The following NFATC3 variants were observed in gnomAD, a reference collection of about 807,000 sequenced individuals.
NFATC3 encodes nuclear factor of activated T cells 3.
In NFATC3, 46 loss-of-function variants were observed where a neutral mutation model predicts 98.6. The observed-to-expected ratio is 0.47, with a 90% confidence interval of 0.37 to 0.60. The LOEUF (loss-of-function observed/expected upper bound fraction) is 0.60. Ranked by LOEUF, NFATC3 falls within the 20% of genes least tolerant of loss-of-function variation. NFATC3 has a pLI of 0.00. For missense variants in NFATC3, 1,256 were observed against 1,295.5 expected (o/e 0.97, Z 0.47); for synonymous variants, 512 against 472.2 (o/e 1.08, Z -1.09).
chr16:68,215,127 A>T (rs750520410), intron 9 of NFATC3, among the ~76,000 whole-genome samples: 11 of 152,194 alleles, frequency 7.2e-5, no homozygotes, highest in Non-Finnish European at 1.6e-4. Context: ...TTTTAAAATG[A>T]ATCTGGATTT....
chr16:68,212,876 A>G (rs1338715589), intron 9 of NFATC3, among the ~76,000 whole-genome samples: 3 of 128,494 alleles, frequency 2.3e-5, no homozygotes, highest in South Asian at 2.4e-4. Flanking sequence ...TGCAAGCTCT[A>G]CCTCCCAGGT....
chr16:68,113,145 A>C (rs2036072649), intron 1 of NFATC3, among the ~76,000 whole-genome samples: 1 of 152,112 alleles, frequency 6.6e-6, no homozygotes, highest in Non-Finnish European at 1.5e-5. Flanking sequence ...GAAGTGTTGC[A>C]ATCATTTAGA....
At chr16:68,207,061 A>G (rs532510386) in intron 9 of NFATC3, among the ~76,000 whole-genome samples, 203 of 151,928 alleles carry the variant, frequency 1.3e-3, no homozygotes, top group Non-Finnish European at 2.1e-3. Flanking sequence ...CTGTAATCCC[A>G]GCACCTGGGA....
intron 9 of NFATC3, among the ~76,000 whole-genome samples, chr16:68,208,611 T>C (rs1859719915): frequency 6.6e-6 from 1 of 152,014 alleles, no homozygotes; most frequent in Non-Finnish European, 1.5e-5. Context: ...ATGCCTGTAA[T>C]CCCAGCTATT....
At position 68,174,466 on chromosome 16, in the gene NFATC3, T is replaced by A. The variant is rs201703239; in HGVS notation, c.1867T>A (p.Ser623Thr). 1 of 1,604,378 alleles carries A rather than the reference T, an allele frequency of 6.2e-7. No homozygotes were observed. The highest frequency in any genetic ancestry group is 8.5e-7 in the Non-Finnish European group (1 of 1,175,496). The change falls in exon 6 of 10, where the codon TCT becomes ACT. Residue 623 changes from serine (S) to threonine (T), a missense_variant. By Grantham distance (58) the Ser-to-Thr change is moderately conservative. Around this residue, in one of 3 missense-constraint regions of NFATC3, gnomAD observed 636 missense variants for 617.3 expected, o/e 1.03. Transcript: ENST00000346183. ...AGGTCATGAAATGGTTGTGACTGGA[T>A]CTAATTTTCTTCCAGAATCCAAAAT... Reference protein sequence around the residue: ...NGGHEMVVTGSNFLPESKIIF... With the variant: ...NGGHEMVVTGTNFLPESKIIF...
rs535756391 is a variant in NFATC3 at position 68,092,706 on chromosome 16, CAT to C, written c.103+6924_103+6925del. ...AGGGATTCTAGACCAGTCTGGATAACATAAGGATACCCTGTTTCTTAAAAACA... is the reference window on the plus strand; with the variant it reads ...AGGGATTCTAGACCAGTCTGGATAACAAGGATACCCTGTTTCTTAAAAACA... On this transcript the variant is annotated intron_variant, in intron 1 of 9. Transcript: ENST00000346183. Among the ~76,000 whole-genome samples the C allele has an allele frequency of 3.6e-3, 548 of 152,242 alleles. 2 individuals are homozygous for C. The highest frequency in any genetic ancestry group is 0.012 in the African/African-American group (503 of 41,534).
chr16:68,209,931 C>T lies in NFATC3; in HGVS notation c.3107-16419C>T, dbSNP rs919733476. On this transcript the variant is annotated intron_variant, in intron 9 of 9. Transcript: ENST00000346183. ...CTGTAGTCCTAGCACTTTGGGAGGC[C>T]GAGGTGGGCAGATTGCTCGAGCCCA... Among the ~76,000 whole-genome samples, 4 of 151,946 alleles carry T rather than the reference C, an allele frequency of 2.6e-5. No individual in the cohort carries two copies. The East Asian group carries it at 5.8e-4, about 22-fold the overall frequency.
In NFATC3 at chr16:68,122,665, C is replaced by T. The variant is rs537630716; in HGVS notation, c.782C>T (p.Ser261Leu). 4.3e-6 allele frequency: 7 copies of T among 1,614,160 alleles called. No homozygotes were observed. In the Admixed American group the frequency reaches 6.7e-5, roughly 15 times the overall value. ...AATTGGCTGAGCCCCAGGCCAGCCT[C>T]AGGACCCTCATCAAGGCCCACATCC... ...DENWLSPRPASGPSSRPTSPC... is the reference protein window; with the variant it reads ...DENWLSPRPALGPSSRPTSPC... Residue 261 changes from serine (S) to leucine (L), a missense_variant, in exon 2 of 10, where the codon TCA (serine) becomes TTA (leucine). By Grantham distance (145) the Ser-to-Leu change is moderately radical. Around this residue, in one of 3 missense-constraint regions of NFATC3, gnomAD observed 464 missense variants for 465.7 expected, o/e 1.00. Coordinates refer to ENST00000346183, the MANE Select transcript of NFATC3 (RefSeq NM_173165.3).
At chr16:68,099,422 G>A (rs1374900180) in intron 1 of NFATC3, among the ~76,000 whole-genome samples, 2 of 151,178 alleles carry the variant, frequency 1.3e-5, no homozygotes, top group Non-Finnish European at 1.5e-5. Context: ...GCGACAGAGC[G>A]AGACCCCACC....
chr16:68,118,080 C>G (rs1393863429), intron 1 of NFATC3, among the ~76,000 whole-genome samples: 1 of 152,134 alleles, frequency 6.6e-6, no homozygotes, highest in African/African-American at 2.4e-5. Flanking sequence ...TTAAAGAAAC[C>G]AAGGCGTTAT....
In NFATC3 at chr16:68,085,770, G is replaced by A. The variant is rs977104054; in HGVS notation, c.89G>A (p.Gly30Asp). 2.0e-5 allele frequency: 30 copies of A among 1,495,480 alleles called. No homozygotes were observed. The Admixed American group carries it at 6.5e-4, about 32-fold the overall frequency. 92.6% of individuals were successfully genotyped at this position (1,495,480 alleles called of 1,614,324 possible). A position where few individuals can be genotyped will look rare whatever the true frequency, so the allele number is the denominator to read the frequency against. The change falls in exon 1 of 10, where the codon GGC becomes GAC. Residue 30 changes from glycine (G) to aspartate (D), a missense_variant. Coordinates refer to ENST00000346183, the MANE Select transcript of NFATC3 (RefSeq NM_173165.3). ...EDGAPAPPPP[G>D]SRPADLEPDD... Reference sequence around the variant, plus strand: ...GGGGCGCCGGCGCCGCCGCCCCCGGGCTCGCGGCCTGCAGGTGGGTGCCGG... The same window carrying A: ...GGGGCGCCGGCGCCGCCGCCCCCGGACTCGCGGCCTGCAGGTGGGTGCCGG...
intron 9 of NFATC3, among the ~76,000 whole-genome samples, chr16:68,224,519 C>T (rs527548581): frequency 1.3e-5 from 2 of 151,928 alleles, no homozygotes; most frequent in East Asian, 1.9e-4. Flanking sequence ...TTGTGATCCA[C>T]CCGCCTTGGC....
At chr16:68,195,567 G>A (rs994363374) in intron 9 of NFATC3, among the ~76,000 whole-genome samples, 1 of 152,114 alleles carries the variant, frequency 6.6e-6, no homozygotes, top group Admixed American at 6.6e-5. Flanking sequence ...CCAGCACTTT[G>A]GGAGGCTGAG....
chr16:68,111,031 C>T (rs1053907895), intron 1 of NFATC3, among the ~76,000 whole-genome samples: 1 of 152,172 alleles, frequency 6.6e-6, no homozygotes, highest in African/African-American at 2.4e-5. Flanking sequence ...GTTATGATTT[C>T]ATTTCTTTTG....
At chr16:68,216,902 G>A (rs903490448) in intron 9 of NFATC3, among the ~76,000 whole-genome samples, 2 of 151,760 alleles carry the variant, frequency 1.3e-5, no homozygotes, top group African/African-American at 4.8e-5. Flanking sequence ...GTTGGGTGGG[G>A]AAAAAAGGTA....
At chr16:68,186,649 T>A (rs1298850230) in intron 8 of NFATC3, among the ~76,000 whole-genome samples, 1 of 152,204 alleles carries the variant, frequency 6.6e-6, no homozygotes, top group Non-Finnish European at 1.5e-5. Context: ...ATAAACAAAA[T>A]TTTTAAAAAA....
intron 9 of NFATC3, among the ~76,000 whole-genome samples, chr16:68,215,722 C>CTTTTTTTTTTTTT (rs35024337): frequency 1.9e-4 from 18 of 96,032 alleles, no homozygotes; most frequent in Non-Finnish European, 2.4e-4. Context: ...GAGATTTGCA[C>CTTTTTTTTTTTTT]TTTTTTTTTT....
chr16:68,163,340 G>A (rs1013923054), intron 4 of NFATC3, among the ~76,000 whole-genome samples: 4 of 149,674 alleles, frequency 2.7e-5, no homozygotes, highest in South Asian at 2.1e-4. Flanking sequence ...CTCACCTCCC[G>A]GGCGGGGCGG....
intron 9 of NFATC3, among the ~76,000 whole-genome samples, chr16:68,193,314 G>C (rs1274330698): frequency 1.3e-5 from 2 of 152,042 alleles, no homozygotes; most frequent in Non-Finnish European, 2.9e-5. Flanking sequence ...GTGTACTCAG[G>C]GGATTGATTT....
Sources: allele counts gnomAD v4.1 joint callset (sites outside exome capture counted in the v4.1 genomes callset), GRCh38; gene constraint gnomAD v4.1.1; regional missense constraint gnomAD v4.1.1; transcripts MANE v1.5; gene names NCBI Gene and HGNC (gene_info 2026-07-23, HGNC 2026-07-21).